LRRC7: variants seen among roughly 807,000 people sequenced by gnomAD.
The protein encoded by LRRC7 is leucine rich repeat containing 7, also known as leucine-rich repeat-containing protein 7.
A neutral mutation model predicts 175.7 loss-of-function variants in LRRC7; 23 were observed. That is an observed-to-expected ratio of 0.13 (90% CI 0.09 to 0.19). The LOEUF is 0.19. LRRC7 is among the 10% of genes least tolerant of loss of function. The probability of loss-of-function intolerance (pLI) is 1.00; values close to 1 mark genes in which losing one functional copy is unlikely to be tolerated. For synonymous variants in LRRC7, 685 were observed against 680.9 expected (o/e 1.01, Z -0.09); for missense variants, 1,354 against 1,904.7 (o/e 0.71, Z 5.38).
chr1:69,925,684 C>A lies in LRRC7; in HGVS notation c.648-5823C>A, dbSNP rs576728253. Among the ~76,000 whole-genome samples the A allele has an allele frequency of 1.1e-4, 16 of 152,160 alleles. No homozygotes were observed. In the South Asian group the frequency reaches 3.3e-3, roughly 32 times the overall value. On this transcript the variant is annotated intron_variant, in intron 7 of 26. Transcript: ENST00000651989. ...TTTTTATTGCGTCTATTTGATTCTT[C>A]TCTCCTTTCTTCTTTATTAGTCTTG...
chr1:69,608,732 A>G (rs995274694), intron 1 of LRRC7, among the ~76,000 whole-genome samples: 11 of 151,326 alleles, frequency 7.3e-5, no homozygotes, highest in African/African-American at 2.7e-4. Context: ...CTCTGACCTT[A>G]AAAATCCTGT....
chr1:69,901,826 C>T (rs1646143297), intron 7 of LRRC7, among the ~76,000 whole-genome samples: 1 of 152,102 alleles, frequency 6.6e-6, no homozygotes, highest in Non-Finnish European at 1.5e-5. Context: ...CCCATTCTAC[C>T]TTCTCCATCT....
intron 26 of LRRC7, among the ~76,000 whole-genome samples, chr1:70,118,290 G>C (rs1665992935): frequency 6.6e-6 from 1 of 151,454 alleles, no homozygotes; most frequent in Admixed American, 6.6e-5. Flanking sequence ...TCTGTCCTAA[G>C]AAAGAGTAAG....
chr1:69,738,940 A>C (rs775031268), intron 2 of LRRC7, among the ~76,000 whole-genome samples: 7 of 152,094 alleles, frequency 4.6e-5, no homozygotes, highest in Non-Finnish European at 8.8e-5. Context: ...CCAAGTGAGA[A>C]ACCCCTTAAA....
At chr1:69,999,729 C>A (rs894543979) in intron 11 of LRRC7, among the ~76,000 whole-genome samples, 1 of 152,120 alleles carries the variant, frequency 6.6e-6, no homozygotes, top group African/African-American at 2.4e-5. Flanking sequence ...GGGCGACCAG[C>A]ATGAGAGATG....
chr1:69,581,638 T>C (rs1430703294), intron 1 of LRRC7, among the ~76,000 whole-genome samples: 1 of 152,072 alleles, frequency 6.6e-6, no homozygotes, highest in African/African-American at 2.4e-5. Context: ...TATTCCTATA[T>C]AAAATTACTG....
intron 7 of LRRC7, among the ~76,000 whole-genome samples, chr1:69,914,020 A>G (rs187051869): frequency 6.6e-6 from 1 of 152,328 alleles, no homozygotes; most frequent in East Asian, 1.9e-4. Flanking sequence ...GACACAGACT[A>G]AGCAAAGTGA....
chr1:70,023,142 C>T lies in LRRC7; in HGVS notation c.1562C>T (p.Ala521Val), dbSNP rs199981285. Reference protein sequence around the residue: ...AGKVKDLSCQAPWERGQRGIT... With the variant: ...AGKVKDLSCQVPWERGQRGIT... ...CTCCCACAGGATCTCTCCTGCCAAG[C>T]CCCCTGGGAAAGGGGCCAGCGTGGG... The change falls in exon 17 of 27, where the codon GCC becomes GTC. Residue 521 changes from alanine to valine, a missense_variant. This residue lies in a region of LRRC7 where 1,032 missense variants were observed against 1,227.2 expected (regional missense o/e 0.84). Transcript: ENST00000651989. 6.9e-7 allele frequency: 1 copy of T among 1,439,242 alleles called. No individual in the cohort carries two copies. The highest frequency in any genetic ancestry group is 9.3e-7 in the Non-Finnish European group (1 of 1,080,072). The allele number at this position is 1,439,242 out of a possible 1,614,324, so 89.2% of individuals were successfully genotyped here.
chr1:69,999,618 T>G (rs181291452), intron 11 of LRRC7, among the ~76,000 whole-genome samples: 1 of 152,286 alleles, frequency 6.6e-6, no homozygotes, highest in Non-Finnish European at 1.5e-5. Flanking sequence ...GCTGGGTAGA[T>G]GGAAGTATCC....
At chr1:69,740,662 C>A (rs1041119170) in intron 2 of LRRC7, among the ~76,000 whole-genome samples, 1 of 152,028 alleles carries the variant, frequency 6.6e-6, no homozygotes, top group African/African-American at 2.4e-5. Context: ...AGGGTTCGAG[C>A]AGTTGGCTAC....
chr1:69,838,935 C>T (rs1034992446), intron 7 of LRRC7: 5 of 161,096 alleles, frequency 3.1e-5, no homozygotes, highest in African/African-American at 1.2e-4. Context: ...TTATGTTTTA[C>T]AGTTAATTAT....
rs1439842419 is a variant in LRRC7 at position 70,135,638 on chromosome 1, G to T, written c.*13751G>T. ...ATAAGTGAATATCCATCATATTCAA[G>T]ACTTCACTTTTATTGATGATCATTA... On this transcript the variant is annotated 3_prime_UTR_variant, in exon 27 of 27. Coordinates refer to ENST00000651989, the MANE Select transcript of LRRC7 (RefSeq NM_001370785.2). Among the ~76,000 whole-genome samples the T allele has an allele frequency of 5.3e-5, 8 of 152,162 alleles. No homozygotes were observed. The highest frequency in any genetic ancestry group is 1.0e-4 in the Non-Finnish European group (7 of 68,014).
chr1:70,121,944 T>G lies in LRRC7; in HGVS notation c.*57T>G. On this transcript the variant is annotated 3_prime_UTR_variant, in exon 27 of 27. Coordinates refer to ENST00000651989, the MANE Select transcript of LRRC7 (RefSeq NM_001370785.2). ...GCCAGACCTAATGTTCAAAAATAAA[T>G]TTATACATAGAAACAAATTTTGCCA... 7.7e-7 allele frequency: 1 copy of G among 1,303,198 alleles called. No homozygotes were observed. The highest frequency in any genetic ancestry group is 1.3e-5 in the South Asian group (1 of 79,110). 80.7% of individuals were successfully genotyped at this position (1,303,198 alleles called of 1,614,324 possible). A position where few individuals can be genotyped will look rare whatever the true frequency, so the allele number is the denominator to read the frequency against.
intron 26 of LRRC7, among the ~76,000 whole-genome samples, chr1:70,117,087 A>G (rs1222733465): frequency 1.3e-5 from 2 of 152,194 alleles, no homozygotes; most frequent in Admixed American, 6.5e-5. Context: ...TGGTCCTTTA[A>G]AAAGGATTAT....
intron 7 of LRRC7, chr1:69,874,783 T>C (rs937972442): frequency 3.9e-5 from 6 of 152,062 alleles, no homozygotes; most frequent in African/African-American, 9.7e-5. Context: ...AAGTAGATGT[T>C]GGTTTTTTGT....
intron 1 of LRRC7, among the ~76,000 whole-genome samples, chr1:69,652,217 T>C (rs1353349627): frequency 6.8e-6 from 1 of 147,612 alleles, no homozygotes; most frequent in Non-Finnish European, 1.5e-5. Context: ...ATTTTCTCTG[T>C]TCACAGATGA....
At chr1:69,905,635 A>G (rs1436277853) in intron 7 of LRRC7, among the ~76,000 whole-genome samples, 3 of 152,078 alleles carry the variant, frequency 2.0e-5, no homozygotes, top group East Asian at 3.9e-4. Context: ...TATGTGCCAC[A>G]TTTTCTTAAT....
chr1:69,942,997 A>T (rs2101802734), intron 8 of LRRC7, among the ~76,000 whole-genome samples: 1 of 152,236 alleles, frequency 6.6e-6, no homozygotes, highest in African/African-American at 2.4e-5. Context: ...TTAGCTTATC[A>T]GCTATCATTA....
chr1:70,010,662 G>T (rs1211913894), intron 11 of LRRC7, among the ~76,000 whole-genome samples: 3 of 152,268 alleles, frequency 2.0e-5, no homozygotes, highest in East Asian at 1.9e-4. Flanking sequence ...ACCCCTGGGG[G>T]TTCCTTCCTA....
Sources: allele counts gnomAD v4.1 joint callset (sites outside exome capture counted in the v4.1 genomes callset), GRCh38; gene constraint gnomAD v4.1.1; regional missense constraint gnomAD v4.1.1; transcripts MANE v1.5; gene names NCBI Gene and HGNC (gene_info 2026-07-23, HGNC 2026-07-21).